The following ZNF385D variants were observed in gnomAD, a reference collection of about 807,000 sequenced individuals.
The protein encoded by ZNF385D is zinc finger protein 659.
ZNF385D carries 15 observed loss-of-function variants against 35.8 expected under a neutral mutation model. The ratio of observed to expected loss-of-function variants is 0.42; its 90% CI spans 0.28 to 0.64. The LOEUF (loss-of-function observed/expected upper bound fraction) is 0.64. Ranked by LOEUF, ZNF385D falls within the 30% of genes least tolerant of loss-of-function variation. The pLI is 0.23. For synonymous variants in ZNF385D, 212 were observed against 186.8 expected, an observed-to-expected ratio of 1.13 and a Z score of -1.10; for missense variants, 474 against 494.6, an observed-to-expected ratio of 0.96 and a Z score of 0.39.
chr3:21,463,360 T>C (rs1054174158), intron 4 of ZNF385D, among the ~76,000 whole-genome samples: 20 of 152,224 alleles, frequency 1.3e-4, no homozygotes, highest in East Asian at 5.8e-4. Context: ...TGCATTAAAA[T>C]ACTTTTACAA....
At chr3:22,123,956 C>A (rs2336675) in intron 3 of ZNF385D, among the ~76,000 whole-genome samples, 2,725 of 85,278 alleles carry the variant, frequency 0.032, 33 homozygotes, top group Non-Finnish European at 0.05. Flanking sequence ...CTCTCTCTCT[C>A]TCTCTCTATA....
At chr3:22,284,569 AAGAGT>A (rs1343855637) in intron 2 of ZNF385D, among the ~76,000 whole-genome samples, 2 of 151,898 alleles carry the variant, frequency 1.3e-5, no homozygotes, top group Non-Finnish European at 2.9e-5. Flanking sequence ...GACCACAGAG[AAGAGT>A]AATGTTTTAA....
intron 3 of ZNF385D, among the ~76,000 whole-genome samples, chr3:21,879,781 G>A (rs1698180845): frequency 6.6e-6 from 1 of 151,958 alleles, no homozygotes; most frequent in Admixed American, 6.6e-5. Flanking sequence ...TTTGGAGGAT[G>A]CATGACTATA....
intron 3 of ZNF385D, among the ~76,000 whole-genome samples, chr3:21,906,394 T>A (rs1320708948): frequency 6.6e-6 from 1 of 152,188 alleles, no homozygotes; most frequent in African/African-American, 2.4e-5. Context: ...TTTTGGATAG[T>A]TTAAGCTCTG....
chr3:22,181,379 T>C (rs1309106124), intron 2 of ZNF385D, among the ~76,000 whole-genome samples: 1 of 152,068 alleles, frequency 6.6e-6, no homozygotes, highest in Non-Finnish European at 1.5e-5. Flanking sequence ...GGGTAGAACC[T>C]GTAACTAGCT....
intron 2 of ZNF385D, among the ~76,000 whole-genome samples, chr3:22,360,091 C>T (rs1397460301): frequency 6.6e-6 from 1 of 151,896 alleles, no homozygotes; most frequent in Non-Finnish European, 1.5e-5. Flanking sequence ...AAAATCTCCT[C>T]TTTGGTAATG....
intron 3 of ZNF385D, among the ~76,000 whole-genome samples, chr3:22,050,660 A>G (rs905388745): frequency 2.6e-5 from 4 of 152,174 alleles, no homozygotes; most frequent in Admixed American, 2.6e-4. Context: ...CAAAGGCCAC[A>G]TATGTTTTAC....
rs17009388 is a variant in ZNF385D at position 21,730,668 on chromosome 3, T to G, written c.22+20227A>C. On this transcript the variant is annotated intron_variant, in intron 1 of 7. Coordinates refer to ENST00000281523, the MANE Select transcript of ZNF385D (RefSeq NM_024697.3). The stretch of plus-strand genomic sequence containing the variant: ...AAAGAAAAAAAGTGTAATTCCTGCT[T>G]CCAAGTCTAACAACTGCTCATGAGT... Among the ~76,000 whole-genome samples the G allele has an allele frequency of 2.1e-3, 324 of 152,364 alleles. 8 individuals are homozygous for G. The East Asian group carries it at 0.051, about 24-fold the overall frequency.
intron 2 of ZNF385D, among the ~76,000 whole-genome samples, chr3:21,597,253 T>G (rs796440417): frequency 7.2e-5 from 11 of 152,228 alleles, no homozygotes; most frequent in African/African-American, 2.4e-4. Flanking sequence ...TCAAGTAGTA[T>G]TATCATGTGA....
chr3:21,803,093 C>G (rs991602462), intron 3 of ZNF385D, among the ~76,000 whole-genome samples: 3 of 152,152 alleles, frequency 2.0e-5, no homozygotes, highest in Non-Finnish European at 2.9e-5. Flanking sequence ...TACCCCTCCC[C>G]GCCACCTGAC....
chr3:22,104,832 A>G (rs1482815871), intron 3 of ZNF385D, among the ~76,000 whole-genome samples: 1 of 152,066 alleles, frequency 6.6e-6, no homozygotes, highest in Non-Finnish European at 1.5e-5. Context: ...AAATCAAAAG[A>G]GTCTCTGAAC....
chr3:21,750,790 T>C (rs1575588050), intron 1 of ZNF385D, 105 bp downstream of exon 1: 1 of 1,454,086 alleles, frequency 6.9e-7, no homozygotes, highest in Non-Finnish European at 9.6e-7. Context: ...TGGAGGTAGG[T>C]TTAATGTAAC....
intron 4 of ZNF385D, among the ~76,000 whole-genome samples, chr3:21,480,686 T>A (rs573594446): frequency 6.6e-6 from 1 of 152,208 alleles, no homozygotes; most frequent in Non-Finnish European, 1.5e-5. Flanking sequence ...CGTTATTTGA[T>A]TGACATTCGA....
rs146566601 is a variant in ZNF385D at position 21,930,572 on chromosome 3, A to G, written c.325+238245T>C. On this transcript the variant is annotated intron_variant, in intron 3 of 5. Coordinates refer to the ZNF385D transcript ENST00000494108. ...AAAATAAGAGAACTTATATTTATCA[A>G]TTGTCAAAATTTTACTATAAAGCTA... Among the ~76,000 whole-genome samples the G allele has an allele frequency of 1.3e-3, 195 of 152,236 alleles. 2 individuals are homozygous for G. In the South Asian group the frequency reaches 0.018, roughly 14 times the overall value.
At chr3:21,757,666 A>C (rs1262131059) in intron 3 of ZNF385D, among the ~76,000 whole-genome samples, 4 of 152,228 alleles carry the variant, frequency 2.6e-5, no homozygotes, top group Non-Finnish European at 5.9e-5. Context: ...ACCTCTGTAT[A>C]CATGGAGCTT....
chr3:21,840,446 A>C (rs2670276), intron 3 of ZNF385D, among the ~76,000 whole-genome samples: 16,036 of 152,124 alleles, frequency 0.11, 1,009 homozygotes, highest in Middle Eastern at 0.2. Flanking sequence ...CTTCATATCG[A>C]CATTGCACTC....
intron 3 of ZNF385D, among the ~76,000 whole-genome samples, chr3:21,918,506 G>C (rs1252896914): frequency 6.6e-6 from 1 of 152,024 alleles, no homozygotes; most frequent in Admixed American, 6.6e-5. Context: ...TCACCTGAAT[G>C]ATATATTTTC....
chr3:21,527,725 G>A (rs762468554), intron 3 of ZNF385D, among the ~76,000 whole-genome samples: 52 of 150,980 alleles, frequency 3.4e-4, no homozygotes, highest in Non-Finnish European at 2.9e-5. Context: ...AGAATGGCCT[G>A]AAAACCAGAA....
intron 2 of ZNF385D, among the ~76,000 whole-genome samples, chr3:22,368,689 T>C (rs1022127408): frequency 1.3e-5 from 2 of 152,148 alleles, no homozygotes; most frequent in South Asian, 4.1e-4. Flanking sequence ...CCTCATCTTA[T>C]AAGAGCACTA....
Sources: allele counts gnomAD v4.1 joint callset (sites outside exome capture counted in the v4.1 genomes callset), GRCh38; gene constraint gnomAD v4.1.1; transcripts MANE v1.5; gene names NCBI Gene and HGNC (gene_info 2026-07-23, HGNC 2026-07-21).